CALN1: variants seen among roughly 807,000 people sequenced by gnomAD.
The protein encoded by CALN1 is calcium-binding protein 8.
Under a neutral mutation model 30.6 loss-of-function variants are expected in CALN1, and 17 were observed. The ratio of observed to expected loss-of-function variants is 0.56; its 90% CI spans 0.38 to 0.83. The LOEUF is 0.83. Ranked by LOEUF, CALN1 falls within the 40% of genes least tolerant of loss-of-function variation. The pLI is 0.00. For synonymous variants in CALN1, 156 were observed against 131.4 expected, an observed-to-expected ratio of 1.19 and a Z score of -1.28; for missense variants, 291 against 354.9, an observed-to-expected ratio of 0.82 and a Z score of 1.45.
chr7:72,385,704 C>T (rs530725557), intron 2 of CALN1, among the ~76,000 whole-genome samples: 3 of 152,242 alleles, frequency 2.0e-5, no homozygotes, highest in Admixed American at 6.5e-5. Context: ...GGTTTCCCCC[C>T]TGCTGTTCTT....
At chr7:71,933,184 T>G (rs1795650553) in intron 5 of CALN1, among the ~76,000 whole-genome samples, 1 of 152,080 alleles carries the variant, frequency 6.6e-6, no homozygotes, top group Non-Finnish European at 1.5e-5. Context: ...CCCTCCTCTT[T>G]GCCAGCCGTA....
intron 3 of CALN1, among the ~76,000 whole-genome samples, chr7:72,140,087 A>T (rs73355308): frequency 1.3e-5 from 2 of 152,038 alleles, no homozygotes; most frequent in Non-Finnish European, 2.9e-5. Context: ...CCTGGGCAAC[A>T]AAGTAACACC....
chr7:72,047,968 T>C (rs1427519625), intron 4 of CALN1, among the ~76,000 whole-genome samples: 2 of 152,028 alleles, frequency 1.3e-5, no homozygotes, highest in African/African-American at 4.8e-5. Context: ...TAAGAGATGC[T>C]CATAAGCATC....
chr7:72,362,335 G>GC (rs1035196345), intron 2 of CALN1, among the ~76,000 whole-genome samples: 1 of 152,040 alleles, frequency 6.6e-6, no homozygotes, highest in African/African-American at 2.4e-5. Flanking sequence ...ATGTACAGTC[G>GC]CAAGAGTTTT....
At chr7:72,473,076 G>C in the CALN1 span, among the ~76,000 whole-genome samples, 1 of 151,822 alleles carries the variant, frequency 6.6e-6, no homozygotes, top group African/African-American at 2.4e-5. Flanking sequence ...TGCTTAGCTG[G>C]GTCAGCTCCC....
the CALN1 span, among the ~76,000 whole-genome samples, chr7:72,495,353 G>C: frequency 6.6e-6 from 1 of 152,168 alleles, no homozygotes; most frequent in Non-Finnish European, 1.5e-5. Context: ...TCCTACCCAG[G>C]CTGGGTCAGT....
intron 3 of CALN1, among the ~76,000 whole-genome samples, chr7:72,188,040 C>T (rs891429889): frequency 6.6e-6 from 1 of 152,098 alleles, no homozygotes; most frequent in East Asian, 1.9e-4. Context: ...TAAACTAGGA[C>T]GGCCACTATG....
intron 4 of CALN1, among the ~76,000 whole-genome samples, chr7:72,031,313 A>G (rs1801422034): frequency 6.6e-6 from 1 of 152,178 alleles, no homozygotes; most frequent in Admixed American, 6.5e-5. Flanking sequence ...CAGCCACCAG[A>G]GGCCATTCTT....
intron 2 of CALN1, among the ~76,000 whole-genome samples, chr7:72,349,546 A>G (rs1281692738): frequency 6.6e-6 from 1 of 152,202 alleles, no homozygotes; most frequent in East Asian, 1.9e-4. Context: ...AGGAGAACAA[A>G]GAGAAGATGT....
intron 3 of CALN1, among the ~76,000 whole-genome samples, chr7:72,146,152 T>G (rs1786699901): frequency 6.6e-6 from 1 of 152,230 alleles, no homozygotes; most frequent in East Asian, 1.9e-4. Context: ...AAATAAAGGG[T>G]ATTCAATTAG....
intron 4 of CALN1, among the ~76,000 whole-genome samples, chr7:72,079,553 G>A (rs1042715518): frequency 2.0e-5 from 3 of 152,080 alleles, no homozygotes; most frequent in Non-Finnish European, 2.9e-5. Flanking sequence ...AATTACTCTC[G>A]CACCAACCTA....
chr7:72,380,241 G>A (rs1442947075), intron 2 of CALN1, among the ~76,000 whole-genome samples: 1 of 152,116 alleles, frequency 6.6e-6, no homozygotes, highest in Admixed American at 6.6e-5. Context: ...AAGCTTCAAT[G>A]AAAATGAAAG....
intron 3 of CALN1, among the ~76,000 whole-genome samples, chr7:72,197,674 T>A (rs1212006236): frequency 5.3e-5 from 8 of 151,740 alleles, no homozygotes; most frequent in African/African-American, 9.7e-5. Flanking sequence ...TACAAAAAAA[T>A]AAATAAATAA....
rs145893267 is a variant in CALN1, at chr7:72,410,934, G to A, written c.-74+1124C>T. 5.2e-3 allele frequency among the ~76,000 whole-genome samples: 792 copies of A among 151,762 alleles called. 4 individuals carry two copies. The highest frequency in any genetic ancestry group is 0.018 in the African/African-American group (754 of 41,526). On this transcript the variant is annotated intron_variant, in intron 1 of 6. Transcript: ENST00000395275. ...AACCAACATGATTAGACAATTAGAGGCATAAGATGGGAAAAGAAATAAAGT... is the reference window on the plus strand; with the variant it reads ...AACCAACATGATTAGACAATTAGAGACATAAGATGGGAAAAGAAATAAAGT...
chr7:72,456,505 T>TCGAGCC, the CALN1 span, among the ~76,000 whole-genome samples: 9 of 151,926 alleles, frequency 5.9e-5, no homozygotes, highest in Non-Finnish European at 2.9e-5. Flanking sequence ...ACCACTGCAC[T>TCGAGCC]CGAGCCCATG....
At chr7:72,406,302 A>T (rs1307552577) in intron 1 of CALN1, among the ~76,000 whole-genome samples, 1 of 152,118 alleles carries the variant, frequency 6.6e-6, no homozygotes, top group Non-Finnish European at 1.5e-5. Context: ...ACAGACCTCC[A>T]TCTTCCCCCA....
intron 5 of CALN1, among the ~76,000 whole-genome samples, chr7:71,911,046 G>A (rs1232269628): frequency 1.3e-5 from 2 of 152,152 alleles, no homozygotes; most frequent in African/African-American, 2.4e-5. Context: ...GTCTTGCTGT[G>A]TGAACTTCAA....
chr7:72,466,100 A>C, the CALN1 span, among the ~76,000 whole-genome samples: 1 of 152,194 alleles, frequency 6.6e-6, no homozygotes, highest in Admixed American at 6.5e-5. Context: ...GCTTGGAAGG[A>C]TGCAAGGGTT....
At chr7:72,425,226 G>A (rs1807759683) in intron 1 of CALN1, among the ~76,000 whole-genome samples, 1 of 152,102 alleles carries the variant, frequency 6.6e-6, no homozygotes, top group Non-Finnish European at 1.5e-5. Context: ...TGATTCTCCT[G>A]CCTCAGCCTC....
Sources: gnomAD v4.1 joint callset for allele counts (sites outside exome capture counted in the v4.1 genomes callset) on GRCh38, gnomAD v4.1.1 for gene constraint, MANE v1.5 for transcripts, NCBI Gene and HGNC (gene_info 2026-07-23, HGNC 2026-07-21) for gene names.